The following ZBTB40 variants were observed in gnomAD, a reference collection of about 807,000 sequenced individuals.
ZBTB40 encodes zinc finger and BTB domain containing 40, also known as zinc finger and BTB domain-containing protein 40.
In ZBTB40, 60 loss-of-function variants were observed where a neutral mutation model predicts 117.5. The observed-to-expected ratio is 0.51, with a 90% CI of 0.41 to 0.63. ZBTB40 has a LOEUF of 0.63. ZBTB40 is among the 30% of genes least tolerant of loss of function. The pLI is 0.00. For synonymous variants in ZBTB40, 525 were observed against 577.1 expected (o/e 0.91, Z 1.29); for missense variants, 1,287 against 1,498.5 (o/e 0.86, Z 2.33).
intron 1 of ZBTB40, among the ~76,000 whole-genome samples, chr1:22,480,814 T>C (rs188641851): frequency 9.7e-4 from 148 of 152,342 alleles, no homozygotes; most frequent in Non-Finnish European, 1.9e-3. Flanking sequence ...TTTTACCTTT[T>C]TTCCTGCTGA....
chr1:22,521,795 TGTCCGTAGCAGCAGCA>T lies in ZBTB40; in HGVS notation c.3211+141_3211+156del. ...TGCCTTTGTTCTGCCCCAGCGCACC[TGTCCGTAGCAGCAGCA>T]GTCAGTAGCAGCAGCTTGAGTGGCA... On this transcript the variant is annotated intron_variant, in intron 15 of 17. Coordinates refer to ENST00000375647, the MANE Select transcript of ZBTB40 (RefSeq NM_014870.4). The T allele has an allele frequency of 6.2e-6, 8 of 1,282,302 alleles. No homozygotes were observed. The South Asian group carries it at 7.4e-5, about 12-fold the overall frequency. The allele number at this position is 1,282,302 out of a possible 1,614,324, so 79.4% of individuals were successfully genotyped here.
At chr1:22,525,826 G>C (rs1248037824) in intron 17 of ZBTB40, among the ~76,000 whole-genome samples, 1 of 152,224 alleles carries the variant, frequency 6.6e-6, no homozygotes, top group East Asian at 1.9e-4. Context: ...CCATGTTCCA[G>C]GCATGAGACC....
At chr1:22,478,270 C>T (rs368781632) in intron 1 of ZBTB40, among the ~76,000 whole-genome samples, 22 of 151,750 alleles carry the variant, frequency 1.4e-4, no homozygotes, top group East Asian at 3.9e-4. Context: ...TTTTTTGAGA[C>T]GGAGTCTCGC....
In ZBTB40 at chr1:22,531,013, C is replaced by T. The variant is rs1639814164; in HGVS notation, c.*4617C>T. 6.6e-6 allele frequency: 1 copy of T among 152,012 alleles called. No individual in the cohort carries two copies. The highest frequency in any genetic ancestry group is 2.4e-5 in the African/African-American group (1 of 41,248). 9.4% of individuals were successfully genotyped at this position (152,012 alleles called of 1,614,324 possible). ...ATGCTTACTCTCTCTGAGCTCCCTC[C>T]TCCTGGCTCCCAACTTTATTATAAA... On this transcript the variant is annotated 3_prime_UTR_variant, in exon 18 of 18. Coordinates refer to ENST00000375647, the MANE Select transcript of ZBTB40 (RefSeq NM_014870.4).
Position 22,512,179 on chromosome 1 carries a change from T to A in ZBTB40, c.2461+45T>A, listed in dbSNP as rs933253916. The A allele has an allele frequency of 1.0e-5, 16 of 1,607,700 alleles. No individual in the cohort carries two copies. In the African/African-American group the frequency reaches 1.5e-4, roughly 15 times the overall value. On this transcript the variant is annotated intron_variant, in intron 11 of 17. Coordinates refer to ENST00000375647, the MANE Select transcript of ZBTB40 (RefSeq NM_014870.4). ...GGAACAGAGGATGATAATTGTGGGT[T>A]TTATAGCTTGGATTTCAGGCCTTTC...
rs530634804 is a variant in ZBTB40 at position 22,465,609 on chromosome 1, C to G, written c.-70+13605C>G. Among the ~76,000 whole-genome samples, 210 of 152,326 alleles carry G rather than the reference C, an allele frequency of 1.4e-3. 1 individual carries two copies. The highest frequency in any genetic ancestry group is 4.6e-3 in the African/African-American group (190 of 41,588). On this transcript the variant is annotated intron_variant, in intron 1 of 17. Transcript: ENST00000375647. The stretch of plus-strand genomic sequence containing the variant: ...TGCTGTTGTTCATGGTGCTTGGGCT[C>G]TGCCCAACTTTGCTCCAGATTGAGA...
At position 22,512,988 on chromosome 1, in the gene ZBTB40, G is replaced by A. The variant is rs200947242; in HGVS notation, c.2526G>A (p.Gly842=). 1.9e-6 allele frequency: 3 copies of A among 1,614,030 alleles called. No homozygotes were observed. Among genetic ancestry groups the A allele is most frequent in the Non-Finnish European group, 2.5e-6 (3 of 1,180,026 alleles). The stretch of plus-strand genomic sequence containing the variant: ...AGCCTTTCTCCTGTGAAGAGTGTGG[G>A]GCGAAGTTTGCAGCCAATTCCACCC... ...DEKPFSCEEC[G]AKFAANSTLK... Residue 842 remains glycine, a synonymous_variant, in exon 12 of 18, where the codon GGG becomes GGA. Transcript: ENST00000375647.
chr1:22,509,200 G>A lies in ZBTB40; in HGVS notation c.1800G>A (p.Ser600=), dbSNP rs1038318852. 42 of 1,613,946 alleles carry A rather than the reference G, an allele frequency of 2.6e-5. No homozygotes were observed. The highest frequency in any genetic ancestry group is 1.6e-4 in the Middle Eastern group (1 of 6,084). ...AGATTGAGTACAAGCTCTTTACCTC[G>A]GAGGAGGAGCACCTGGCAGAGACTG... ...QQKIEYKLFT[S]EEEHLAETVK... is the part of the protein sequence containing the mutation. The change falls in exon 9 of 18, where the codon TCG becomes TCA. Residue 600 remains serine, a synonymous_variant. Transcript: ENST00000375647.
Position 22,482,671 on chromosome 1 carries a change from C to T in ZBTB40, c.-69-7209C>T, listed in dbSNP as rs542726369. 2.6e-5 allele frequency among the ~76,000 whole-genome samples: 4 copies of T among 152,298 alleles called. No individual in the cohort carries two copies. The East Asian group carries it at 5.8e-4, about 22-fold the overall frequency. On this transcript the variant is annotated intron_variant, in intron 1 of 17. Transcript: ENST00000375647. ...TCCCTCCCTCTCCTCTAACCCCTGG[C>T]GATCACTGGTCTTTTTTACTATCTA...
chr1:22,431,281 T>G (rs1231796067), intron 1 of ZBTB40, among the ~76,000 whole-genome samples: 1 of 148,002 alleles, frequency 6.8e-6, no homozygotes, highest in African/African-American at 2.5e-5. Flanking sequence ...ATATACAATA[T>G]TGTATATATT....
chr1:22,495,668 T>C (rs1638754062), intron 3 of ZBTB40, among the ~76,000 whole-genome samples: 1 of 152,042 alleles, frequency 6.6e-6, no homozygotes, highest in South Asian at 2.1e-4. Context: ...CGCACACCCA[T>C]GCCTGGCTAA....
chr1:22,457,363 A>G (rs1641027423), intron 1 of ZBTB40, among the ~76,000 whole-genome samples: 1 of 152,238 alleles, frequency 6.6e-6, no homozygotes, highest in Admixed American at 6.5e-5. Flanking sequence ...CCAAAGGGAA[A>G]CAAAAACAAG....
intron 1 of ZBTB40, 144 bp from the exon 2 acceptor site, chr1:22,489,734 GTA>G: frequency 1.6e-6 from 1 of 619,900 alleles, no homozygotes; most frequent in African/African-American, 1.8e-5. Flanking sequence ...TACTGATTTA[GTA>G]TACCTGGCAT....
Position 22,512,332 on chromosome 1 carries a change from A to G in ZBTB40, c.2461+198A>G, listed in dbSNP as rs118059217. 9.1e-4 allele frequency among the ~76,000 whole-genome samples: 138 copies of G among 152,334 alleles called. 2 individuals are homozygous for G. In the East Asian group the frequency reaches 0.024, roughly 26 times the overall value. On this transcript the variant is annotated intron_variant, in intron 11 of 17. Transcript: ENST00000375647. ...CCCGAGCTTTGATTTCCCCAAATCTATTAAAGCAGCACCCTGATACCACTT... is the reference window on the plus strand; with the variant it reads ...CCCGAGCTTTGATTTCCCCAAATCTGTTAAAGCAGCACCCTGATACCACTT...
intron 16 of ZBTB40, 52 bp downstream of exon 16, chr1:22,522,515 C>T (rs759799626): frequency 1.3e-6 from 2 of 1,553,638 alleles, no homozygotes; most frequent in South Asian, 2.2e-5. Flanking sequence ...CCTGAATCTC[C>T]CCTCCACCAC....
At chr1:22,432,407 A>G (rs963449026) in intron 1 of ZBTB40, among the ~76,000 whole-genome samples, 1 of 152,220 alleles carries the variant, frequency 6.6e-6, no homozygotes, top group Non-Finnish European at 1.5e-5. Context: ...TACTCCCAAC[A>G]TCTGCTCCGT....
At chr1:22,433,588 A>T (rs1377802152) in intron 1 of ZBTB40, among the ~76,000 whole-genome samples, 1 of 149,132 alleles carries the variant, frequency 6.7e-6, no homozygotes, top group Non-Finnish European at 1.5e-5. Context: ...GCCATTATAG[A>T]TATCAGGGAC....
intron 1 of ZBTB40, among the ~76,000 whole-genome samples, chr1:22,464,564 A>G (rs1408765050): frequency 6.6e-6 from 1 of 152,182 alleles, no homozygotes; most frequent in African/African-American, 2.4e-5. Context: ...AGCCAGCCCC[A>G]CCTGTCTGGG....
chr1:22,482,972 G>A (rs1242238790), intron 1 of ZBTB40, among the ~76,000 whole-genome samples: 1 of 151,860 alleles, frequency 6.6e-6, no homozygotes, highest in African/African-American at 2.4e-5. Flanking sequence ...CTAGCTACTC[G>A]GGAGGCTGAG....
Sources: gnomAD v4.1 joint callset for allele counts (sites outside exome capture counted in the v4.1 genomes callset) on GRCh38, gnomAD v4.1.1 for gene constraint, MANE v1.5 for transcripts, NCBI Gene and HGNC (gene_info 2026-07-23, HGNC 2026-07-21) for gene names.